Variants in MYBPC3 observed in about 807,000 individuals in gnomAD.
MYBPC3 encodes myosin-binding protein C, cardiac-type.
MYBPC3 carries 108 observed loss-of-function variants against 159.3 expected under a neutral mutation model. The observed-to-expected ratio is 0.68, with a 90% CI of 0.58 to 0.80. The LOEUF (loss-of-function observed/expected upper bound fraction) is 0.80. Among genes scored for constraint, MYBPC3 ranks in the 30% least tolerant of loss-of-function variants. The pLI is 0.00. For missense variants in MYBPC3, 1,631 were observed against 1,762.1 expected (o/e 0.93, Z 1.33); for synonymous variants, 730 against 702.0 (o/e 1.04, Z -0.63).
chr11:47,347,759 C>T, intron 7 of MYBPC3, 79 bp from the exon 8 acceptor site: 1 of 1,546,578 alleles, frequency 6.5e-7, no homozygotes, highest in Non-Finnish European at 8.7e-7. Flanking sequence ...TTCAGCTCCG[C>T]CCCGCAAATC....
chr11:47,343,206 G>T (rs759627548), intron 14 of MYBPC3, 54 bp downstream of exon 14: 3 of 1,588,466 alleles, frequency 1.9e-6, no homozygotes, highest in Non-Finnish European at 2.6e-6. Flanking sequence ...GGCCCAGTGC[G>T]CCCCATGATA....
intron 9 of MYBPC3, 58 bp from the exon 10 acceptor site, chr11:47,347,087 C>T: frequency 1.1e-6 from 1 of 917,886 alleles, no homozygotes; most frequent in Non-Finnish European, 1.8e-6. Flanking sequence ...AGAGAGAGGG[C>T]AGAGAGAACA....
rs727503202 is a variant in MYBPC3, at chr11:47,342,825, C to T, written c.1457+5G>A. On this transcript the variant is annotated splice_donor_5th_base_variant and intron_variant, in intron 16 of 34. Coordinates refer to ENST00000545968, the MANE Select transcript of MYBPC3 (RefSeq NM_000256.3). ...ACACCCATGCCCCGTGCTTCTGGAACTCACCATTTGACTTGCGCCCCCTCC... is the reference window on the plus strand; with the variant it reads ...ACACCCATGCCCCGTGCTTCTGGAATTCACCATTTGACTTGCGCCCCCTCC... 6.2e-7 allele frequency: 1 copy of T among 1,612,370 alleles called. No individual in the cohort carries two copies. The highest frequency in any genetic ancestry group is 1.7e-5 in the Admixed American group (1 of 59,906).
In MYBPC3 at chr11:47,338,527, C is replaced by G. The variant is rs1166603018; in HGVS notation, c.2301G>C (p.Lys767Asn). The change falls in exon 23 of 35, where the codon AAG (lysine) becomes AAC (asparagine). Residue 767 changes from lysine (K) to asparagine (N), a missense_variant. Coordinates refer to ENST00000545968, the MANE Select transcript of MYBPC3 (RefSeq NM_000256.3). This position sits in a 1 kb window ranked among gnomAD's most constrained non-coding sequence, Gnocchi z 4.7. ...GACCCCGGCCGGCCTCACCGATGAC[C>G]TTGACTGTGAGGTTGACCTGGTCCT... ...VGEDQVNLTV[K>N]VIDVPDAPAA... The G allele has an allele frequency of 6.2e-7, 1 of 1,613,930 alleles. No individual in the cohort carries two copies. Among genetic ancestry groups the G allele is most frequent in the African/African-American group, 1.3e-5 (1 of 74,942 alleles).
At chr11:47,337,071 A>G (rs2095882994) in intron 25 of MYBPC3, among the ~76,000 whole-genome samples, 1 of 152,208 alleles carries the variant, frequency 6.6e-6, no homozygotes, top group Admixed American at 6.5e-5. Context: ...ATCCCATATC[A>G]TCCTAACAGC....
chr11:47,333,135 G>A lies in MYBPC3; in HGVS notation c.3330+59C>T, dbSNP rs566942191. 46 of 1,559,756 alleles carry A rather than the reference G, an allele frequency of 2.9e-5. No homozygotes were observed. In the East Asian group the frequency reaches 7.7e-4, roughly 26 times the overall value. On this transcript the variant is annotated intron_variant, in intron 30 of 34. Transcript: ENST00000545968. Reference sequence around the variant, plus strand: ...GGTGAGGACAGTGAAGGGTAGCTGCGGCCTGGGTCTGCCGGGCCTAGGCAG... The same window carrying A: ...GGTGAGGACAGTGAAGGGTAGCTGCAGCCTGGGTCTGCCGGGCCTAGGCAG...
At chr11:47,344,903 G>T (rs1381856528) in intron 12 of MYBPC3, among the ~76,000 whole-genome samples, 2 of 152,180 alleles carry the variant, frequency 1.3e-5, no homozygotes, top group Non-Finnish European at 2.9e-5. Flanking sequence ...TGATTCTCCT[G>T]CCTCAGCCTC....
chr11:47,341,198 C>T lies in MYBPC3; in HGVS notation c.1837G>A (p.Asp613Asn). 1.9e-6 allele frequency: 3 copies of T among 1,596,822 alleles called. No homozygotes were observed. Among genetic ancestry groups the T allele is most frequent in the South Asian group, 1.1e-5 (1 of 87,754 alleles). ...IDDVTPADEA[D>N]YSFVPEGFAC... ...AAGCCCTCGGGCACAAAGCTGTAGT[C>T]AGCCTCGTCGGCAGGTGTGACGTCG... Residue 613 changes from aspartate (D) to asparagine (N), a missense_variant, in exon 19 of 35, where the codon GAC becomes AAC. Physicochemically the swap from Asp to Asn is conservative, Grantham distance 23 (BLOSUM62 1). Coordinates refer to ENST00000545968, the MANE Select transcript of MYBPC3 (RefSeq NM_000256.3).
At chr11:47,334,977 C>G (rs2095880783) in intron 27 of MYBPC3, 65 bp downstream of exon 27, 1 of 1,419,724 alleles carries the variant, frequency 7.0e-7, no homozygotes, top group African/African-American at 1.5e-5. Flanking sequence ...GTCCCCACCT[C>G]CACTGGACAC....
At chr11:47,344,409 T>C (rs2095892270) in intron 12 of MYBPC3, among the ~76,000 whole-genome samples, 1 of 152,192 alleles carries the variant, frequency 6.6e-6, no homozygotes, top group African/African-American at 2.4e-5. Flanking sequence ...GAGAGGCGAC[T>C]GGCCCAATGC....
rs979085643 is a variant in MYBPC3, at chr11:47,337,576, T to C, written c.2417A>G (p.Tyr806Cys). ...CTTCTTCTTCTTGCGCTCCAGGATG[T>C]AGCCTGGCTCAGGGGAGGTGGCAGC... ...AYDGGQPILGYILERKKKKSY... is the reference protein window; with the variant it reads ...AYDGGQPILGCILERKKKKSY... Residue 806 changes from tyrosine (Y) to cysteine (C), a missense_variant, in exon 25 of 35, where the codon TAC becomes TGC. Transcript: ENST00000545968. 2 of 1,613,964 alleles carry C rather than the reference T, an allele frequency of 1.2e-6. No homozygotes were observed. The highest frequency in any genetic ancestry group is 1.7e-6 in the Non-Finnish European group (2 of 1,179,880).
chr11:47,331,510 TC>T lies in MYBPC3; in HGVS notation c.*232del. ...CAGACATTGTTTCTTGAGGCCACCC[TC>T]CTTTTACCCCAAAGATCCAGGGGCT... On this transcript the variant is annotated 3_prime_UTR_variant, in exon 35 of 35. Coordinates refer to ENST00000545968, the MANE Select transcript of MYBPC3 (RefSeq NM_000256.3). 1 of 246,192 alleles carries T rather than the reference TC, an allele frequency of 4.1e-6. No homozygotes were observed. The highest frequency in any genetic ancestry group is 7.8e-6 in the Non-Finnish European group (1 of 128,212). The allele number at this position is 246,192 out of a possible 1,614,324, so 15.3% of individuals were successfully genotyped here.
In MYBPC3 at chr11:47,351,486, C is replaced by T; in HGVS notation, c.45G>A (p.Lys15=). 7 of 1,589,762 alleles carry T rather than the reference C, an allele frequency of 4.4e-6. No homozygotes were observed. Among genetic ancestry groups the T allele is most frequent in the South Asian group, 1.1e-5 (1 of 89,640 alleles). Residue 15 remains lysine, a synonymous_variant, in exon 2 of 35, where the codon AAG becomes AAA. Transcript: ENST00000545968. This position sits in a 1 kb window ranked among gnomAD's most constrained non-coding sequence, Gnocchi z 4.2. ...CTGCGGCCACTTCCACTGACCGTGG[C>T]TTCTTGCTAAAAGCTGAGACTGAAG... ...GKKPVSAFSK[K]PRSVEVAAGS...
intron 5 of MYBPC3, among the ~76,000 whole-genome samples, chr11:47,349,231 C>A (rs574529020): frequency 1.3e-5 from 2 of 151,158 alleles, no homozygotes; most frequent in African/African-American, 4.9e-5. Flanking sequence ...GTGGGCAGGG[C>A]GGAAAAAAAC....
At position 47,332,980 on chromosome 11, in the gene MYBPC3, G is replaced by A; in HGVS notation, c.3331-7C>T. On this transcript the variant is annotated splice_polypyrimidine_tract_variant and splice_region_variant and intron_variant, in intron 30 of 34. Coordinates refer to ENST00000545968, the MANE Select transcript of MYBPC3 (RefSeq NM_000256.3). This position sits in a 1 kb window ranked among gnomAD's most constrained non-coding sequence, Gnocchi z 4.2. ...CCAAGACGGTGAACCACTCCTGGGG[G>A]CAGGGAGGGAGGGGAGGCATCTCTG... The A allele has an allele frequency of 6.2e-7, 1 of 1,606,438 alleles. No homozygotes were observed. The highest frequency in any genetic ancestry group is 8.5e-7 in the Non-Finnish European group (1 of 1,176,398).
intron 27 of MYBPC3, 63 bp downstream of exon 27, chr11:47,334,979 A>T: frequency 7.0e-7 from 1 of 1,419,340 alleles, no homozygotes; most frequent in Non-Finnish European, 9.3e-7. Context: ...CCCCACCTCC[A>T]CTGGACACCA....
chr11:47,347,582 T>G lies in MYBPC3; in HGVS notation c.851+69A>C. 6 of 1,558,874 alleles carry G rather than the reference T, an allele frequency of 3.8e-6. No individual in the cohort carries two copies. In the South Asian group the frequency reaches 7.1e-5, roughly 18 times the overall value. Reference sequence around the variant, plus strand: ...AGGGAGAAAGGGACACTAGCCAGATTGGGCTCCCACCCGTCTCAGACCCCT... The same window carrying G: ...AGGGAGAAAGGGACACTAGCCAGATGGGGCTCCCACCCGTCTCAGACCCCT... On this transcript the variant is annotated intron_variant, in intron 8 of 34. Coordinates refer to ENST00000545968, the MANE Select transcript of MYBPC3 (RefSeq NM_000256.3).
rs11570074 is a variant in MYBPC3, at chr11:47,343,670, G to C, written c.1091-46C>G. 1.3e-3 allele frequency: 1,946 copies of C among 1,504,738 alleles called. 18 individuals carry two copies. The African/African-American group carries it at 0.025, about 19-fold the overall frequency. The allele number at this position is 1,504,738 out of a possible 1,614,324, so 93.2% of individuals were successfully genotyped here. On this transcript the variant is annotated intron_variant, in intron 12 of 34. Coordinates refer to ENST00000545968, the MANE Select transcript of MYBPC3 (RefSeq NM_000256.3). The stretch of plus-strand genomic sequence containing the variant: ...CCGGCCACCCCACCGCCCGCACCCT[G>C]CTCCCCCAGGCCAAGCTACTGTGGC...
chr11:47,346,989 G>T lies in MYBPC3; in HGVS notation c.908+38C>A. On this transcript the variant is annotated intron_variant, in intron 10 of 34. Coordinates refer to ENST00000545968, the MANE Select transcript of MYBPC3 (RefSeq NM_000256.3). The surrounding 1 kb of genome is among the most constrained non-coding windows in gnomAD (Gnocchi z 5.3). ...GGGAATCCCCTCTGCACCCACCAGC[G>T]CCCTGCCGCCCCCAAACACCCAGAC... 1.3e-6 allele frequency: 1 copy of T among 772,198 alleles called. No homozygotes were observed. Among genetic ancestry groups the T allele is most frequent in the Non-Finnish European group, 2.4e-6 (1 of 423,538 alleles). The allele number at this position is 772,198 out of a possible 1,614,324, so 47.8% of individuals were successfully genotyped here. A position where few individuals can be genotyped will look rare whatever the true frequency, so the allele number is the denominator to read the frequency against.
Sources: allele counts gnomAD v4.1 joint callset (sites outside exome capture counted in the v4.1 genomes callset), GRCh38; gene constraint gnomAD v4.1.1; non-coding constraint Gnocchi (gnomAD v3.1); transcripts MANE v1.5; gene names NCBI Gene and HGNC (gene_info 2026-07-23, HGNC 2026-07-21).